PHF14: variants seen among roughly 807,000 people sequenced by gnomAD.
PHF14 encodes the protein PHD finger protein 14.
Under a neutral mutation model 117.9 loss-of-function variants are expected in PHF14, and 55 were observed. The ratio of observed to expected loss-of-function variants is 0.47; its 90% confidence interval spans 0.38 to 0.58. PHF14 has a LOEUF of 0.58. Ranked by LOEUF, PHF14 falls within the 20% of genes least tolerant of loss-of-function variation. PHF14 has a pLI of 0.00. For synonymous variants in PHF14, 409 were observed against 368.6 expected (o/e 1.11, Z -1.26); for missense variants, 978 against 1,122.2 (o/e 0.87, Z 1.84).
chr7:11,088,805 CAA>C (rs1394344282), intron 16 of PHF14, among the ~76,000 whole-genome samples: 6 of 151,852 alleles, frequency 4.0e-5, no homozygotes, highest in African/African-American at 1.5e-4. Flanking sequence ...TAAACTATAA[CAA>C]ATCAGTATTA....
chr7:11,158,798 T>A (rs190064013), intron 17 of PHF14, among the ~76,000 whole-genome samples: 1 of 152,258 alleles, frequency 6.6e-6, no homozygotes, highest in East Asian at 1.9e-4. Context: ...GCTTACAGAT[T>A]AGCCTGAAGT....
intron 4 of PHF14, among the ~76,000 whole-genome samples, chr7:11,010,361 C>T (rs554414681): frequency 1.3e-5 from 2 of 152,014 alleles, no homozygotes; most frequent in Admixed American, 6.6e-5. Flanking sequence ...ATGATGATTG[C>T]CAACCACAAT....
At chr7:11,068,774 G>C (rs945895733) in intron 16 of PHF14, among the ~76,000 whole-genome samples, 1 of 152,142 alleles carries the variant, frequency 6.6e-6, no homozygotes, top group African/African-American at 2.4e-5. Context: ...GAATACATGG[G>C]ATTTAGTGGC....
chr7:11,066,257 G>A (rs190664547), intron 16 of PHF14, among the ~76,000 whole-genome samples: 4 of 152,176 alleles, frequency 2.6e-5, no homozygotes, highest in South Asian at 2.1e-4. Flanking sequence ...TTAGTCTCTC[G>A]TTATTCTGAT....
At chr7:10,996,130 G>T (rs1307660826) in intron 4 of PHF14, among the ~76,000 whole-genome samples, 1 of 152,250 alleles carries the variant, frequency 6.6e-6, no homozygotes, top group African/African-American at 2.4e-5. Flanking sequence ...CTTTTCAGCA[G>T]AGGATTAATA....
intron 4 of PHF14, among the ~76,000 whole-genome samples, chr7:10,995,951 G>A (rs904537499): frequency 1.3e-4 from 20 of 152,182 alleles, no homozygotes; most frequent in African/African-American, 3.6e-4. Flanking sequence ...CTCCACCCTC[G>A]GCCAGCCCAG....
intron 4 of PHF14, among the ~76,000 whole-genome samples, chr7:11,010,477 G>T (rs983524531): frequency 2.6e-5 from 4 of 151,540 alleles, no homozygotes; most frequent in African/African-American, 9.7e-5. Flanking sequence ...ATGACTTTCA[G>T]ATTGTGTGCG....
At chr7:11,112,710 G>T (rs936364379) in intron 17 of PHF14, among the ~76,000 whole-genome samples, 3 of 151,994 alleles carry the variant, frequency 2.0e-5, no homozygotes, top group African/African-American at 7.3e-5. Context: ...GGCAGAGGTT[G>T]CAGTGAACCG....
intron 2 of PHF14, among the ~76,000 whole-genome samples, chr7:10,978,589 C>T (rs1483790044): frequency 1.3e-5 from 2 of 152,112 alleles, no homozygotes; most frequent in East Asian, 1.9e-4. Flanking sequence ...GCTGTATATA[C>T]GAGTTAATGG....
At chr7:11,042,095 A>G (rs1784520796) in intron 12 of PHF14, among the ~76,000 whole-genome samples, 1 of 151,956 alleles carries the variant, frequency 6.6e-6, no homozygotes. Flanking sequence ...TGCAATAAAT[A>G]TCAATTGATG....
Position 11,111,365 on chromosome 7 carries a change from A to G in PHF14, c.2670A>G (p.Arg890=), listed in dbSNP as rs777452630. Residue 890 remains arginine, a synonymous_variant, in exon 17 of 18, where the codon AGA becomes AGG. Transcript: ENST00000634607. ...TACCCTGCAGGTGTGATGAATGCAG[A>G]CTCTGCTACCATTTTGGCTGTTTGG... ...NENLVRCDEC[R]LCYHFGCLDP... 9.4e-5 allele frequency: 150 copies of G among 1,593,374 alleles called. No homozygotes were observed. The Admixed American group carries it at 2.5e-3, about 26-fold the overall frequency.
In PHF14 at chr7:11,036,990, A is replaced by T; in HGVS notation, c.1879A>T (p.Asn627Tyr). ...TCGATATTTCATTTAAATAGAGAGAAATATGCGCATGATTCAAATTCAGGA... is the reference window on the plus strand; with the variant it reads ...TCGATATTTCATTTAAATAGAGAGATATATGCGCATGATTCAAATTCAGGA... The part of the protein sequence containing the change: ...ADFVNYYFER[N>Y]MRMIQIQENM... The change falls in exon 10 of 18, where the codon AAT becomes TAT. Residue 627 changes from asparagine to tyrosine, a missense_variant. Around this residue, in one of 7 missense-constraint regions of PHF14, gnomAD observed 237 missense variants for 276.4 expected, o/e 0.86. Transcript: ENST00000634607. 1 of 1,494,618 alleles carries T rather than the reference A, an allele frequency of 6.7e-7. No homozygotes were observed. The highest frequency in any genetic ancestry group is 9.1e-7 in the Non-Finnish European group (1 of 1,098,710). 92.6% of individuals were successfully genotyped at this position (1,494,618 alleles called of 1,614,324 possible).
chr7:11,168,428 G>A (rs1415321484), intron 17 of PHF14, among the ~76,000 whole-genome samples: 1 of 152,096 alleles, frequency 6.6e-6, no homozygotes, highest in Non-Finnish European at 1.5e-5. Flanking sequence ...GCATACCTTG[G>A]TTTGCTTTTA....
At chr7:11,025,340 A>G (rs908448642) in intron 6 of PHF14, among the ~76,000 whole-genome samples, 27 of 152,192 alleles carry the variant, frequency 1.8e-4, no homozygotes, top group African/African-American at 5.8e-4. Context: ...TATTACATAA[A>G]CTTGATTGAT....
At chr7:10,999,607 A>G (rs1421106648) in intron 4 of PHF14, among the ~76,000 whole-genome samples, 1 of 152,192 alleles carries the variant, frequency 6.6e-6, no homozygotes, top group Non-Finnish European at 1.5e-5. Flanking sequence ...GTTCAGATAA[A>G]CATAGATTTC....
At chr7:10,998,994 C>T (rs1782762093) in intron 4 of PHF14, among the ~76,000 whole-genome samples, 2 of 152,140 alleles carry the variant, frequency 1.3e-5, no homozygotes, top group South Asian at 2.1e-4. Context: ...GGAAATCGTA[C>T]ACATTTAGGA....
At chr7:11,126,743 G>C (rs1035504176) in intron 17 of PHF14, among the ~76,000 whole-genome samples, 2 of 145,134 alleles carry the variant, frequency 1.4e-5, no homozygotes, top group African/African-American at 5.1e-5. Flanking sequence ...ACAGTTAGCT[G>C]TATTTTTTTA....
At chr7:11,093,951 T>G (rs564919264) in intron 16 of PHF14, among the ~76,000 whole-genome samples, 1 of 152,282 alleles carries the variant, frequency 6.6e-6, no homozygotes, top group East Asian at 1.9e-4. Flanking sequence ...CTCTTATGTT[T>G]TTTTCTCTTC....
At chr7:11,085,698 C>T (rs1440519342) in intron 16 of PHF14, among the ~76,000 whole-genome samples, 6 of 151,822 alleles carry the variant, frequency 4.0e-5, no homozygotes, top group East Asian at 1.9e-4. Context: ...GGCTGGAGTG[C>T]GGGAACTGCA....
Sources: allele counts gnomAD v4.1 joint callset (sites outside exome capture counted in the v4.1 genomes callset), GRCh38; gene constraint gnomAD v4.1.1; regional missense constraint gnomAD v4.1.1; transcripts MANE v1.5; gene names NCBI Gene and HGNC (gene_info 2026-07-23, HGNC 2026-07-21).